Variants in USP49 observed in about 807,000 individuals in gnomAD.
USP49 encodes the protein ubiquitin specific peptidase 49, also known as ubiquitin carboxyl-terminal hydrolase 49.
A neutral mutation model predicts 58.6 loss-of-function variants in USP49; 24 were observed. The ratio of observed to expected loss-of-function variants is 0.41; its 90% CI spans 0.30 to 0.58. USP49 has a LOEUF of 0.58. USP49 is among the 20% of genes least tolerant of loss of function. The pLI is 0.30. For synonymous variants in USP49, 408 were observed against 365.1 expected, an observed-to-expected ratio of 1.12 and a Z score of -1.34; for missense variants, 703 against 866.1, an observed-to-expected ratio of 0.81 and a Z score of 2.36.
intron 3 of USP49, among the ~76,000 whole-genome samples, chr6:41,814,195 T>C (rs776733325): frequency 1.3e-5 from 2 of 152,200 alleles, no homozygotes; most frequent in African/African-American, 4.8e-5. Context: ...ATAAATGTCC[T>C]GCACACCCTT....
chr6:41,872,229 G>T (rs565477567), intron 2 of USP49, among the ~76,000 whole-genome samples: 2 of 152,214 alleles, frequency 1.3e-5, no homozygotes, highest in Non-Finnish European at 2.9e-5. Flanking sequence ...ACATTATCAG[G>T]AAGTAGGACT....
At chr6:41,845,050 G>A (rs758820774) in intron 3 of USP49, among the ~76,000 whole-genome samples, 16 of 152,102 alleles carry the variant, frequency 1.1e-4, no homozygotes, top group African/African-American at 3.1e-4. Context: ...ACAGGCACAC[G>A]CCACTACGCC....
At chr6:41,849,458 C>T (rs1469236124) in intron 3 of USP49, among the ~76,000 whole-genome samples, 2 of 152,220 alleles carry the variant, frequency 1.3e-5, no homozygotes, top group Middle Eastern at 3.4e-3. Flanking sequence ...ACCTAATAGA[C>T]ATATATAGAG....
intron 3 of USP49, among the ~76,000 whole-genome samples, chr6:41,826,165 T>G (rs960643769): frequency 8.5e-5 from 13 of 152,212 alleles, no homozygotes; most frequent in African/African-American, 3.1e-4. Context: ...CTCAGGAGGC[T>G]GAGGTGGGAA....
intron 3 of USP49, among the ~76,000 whole-genome samples, chr6:41,814,131 G>T (rs1490791074): frequency 6.6e-6 from 1 of 152,192 alleles, no homozygotes; most frequent in Non-Finnish European, 1.5e-5. Context: ...GAAAGAACAT[G>T]ATGTGTCTGA....
intron 3 of USP49, among the ~76,000 whole-genome samples, chr6:41,834,447 G>C (rs1200715665): frequency 6.6e-6 from 1 of 152,106 alleles, no homozygotes; most frequent in Non-Finnish European, 1.5e-5. Flanking sequence ...TATCAGAGAG[G>C]GTAAATGATA....
intron 2 of USP49, among the ~76,000 whole-genome samples, chr6:41,880,753 A>G (rs1774589798): frequency 6.6e-6 from 1 of 152,140 alleles, no homozygotes; most frequent in Non-Finnish European, 1.5e-5. Context: ...TCTGGGGGAC[A>G]TGCTCCACAC....
At chr6:41,884,313 G>A (rs551358636) in intron 2 of USP49, among the ~76,000 whole-genome samples, 91 of 152,240 alleles carry the variant, frequency 6.0e-4, no homozygotes, top group Non-Finnish European at 8.8e-4. Context: ...GTGAGCCACC[G>A]CGCCAGGCCC....
At chr6:41,841,443 C>T (rs1773826384) in intron 3 of USP49, among the ~76,000 whole-genome samples, 1 of 152,144 alleles carries the variant, frequency 6.6e-6, no homozygotes, top group African/African-American at 2.4e-5. Flanking sequence ...GTTGCTCACA[C>T]ACCAGTGCTA....
At chr6:41,892,973 C>T (rs1774834682) in intron 1 of USP49, among the ~76,000 whole-genome samples, 1 of 152,130 alleles carries the variant, frequency 6.6e-6, no homozygotes, top group African/African-American at 2.4e-5. Context: ...AATTTTGCCC[C>T]AAATTTCTTA....
intron 6 of USP49, 88 bp from the exon 7 acceptor site, chr6:41,799,017 G>T: frequency 6.7e-7 from 1 of 1,486,774 alleles, no homozygotes. Context: ...AGGAAACTGA[G>T]AAAATTTAAC....
At chr6:41,833,267 C>G (rs985898604) in intron 3 of USP49, among the ~76,000 whole-genome samples, 1 of 152,026 alleles carries the variant, frequency 6.6e-6, no homozygotes, top group South Asian at 2.1e-4. Flanking sequence ...CCGCCCGCCT[C>G]GGCCTCCCAA....
chr6:41,823,949 G>GCCTATATTTATTCTAAATTTAAATATAA, intron 3 of USP49, among the ~76,000 whole-genome samples: 1 of 152,082 alleles, frequency 6.6e-6, no homozygotes, highest in East Asian at 1.9e-4. Context: ...AAATTTAAAA[G>GCCTATATTTATTCTAAATTTAAATATAA]GTGCACTATA....
At chr6:41,873,248 T>G (rs1176292271) in intron 2 of USP49, among the ~76,000 whole-genome samples, 1 of 151,716 alleles carries the variant, frequency 6.6e-6, no homozygotes, top group Non-Finnish European at 1.5e-5. Context: ...TTTGCATTAA[T>G]GCAAAGGCTC....
chr6:41,862,780 C>T (rs186981174), intron 3 of USP49, among the ~76,000 whole-genome samples: 1 of 152,064 alleles, frequency 6.6e-6, no homozygotes, highest in East Asian at 1.9e-4. Flanking sequence ...TTTTGTTTGA[C>T]TTTATTTTAT....
intron 3 of USP49, among the ~76,000 whole-genome samples, chr6:41,860,023 A>G (rs1774192847): frequency 6.6e-6 from 1 of 152,256 alleles, no homozygotes; most frequent in South Asian, 2.1e-4. Flanking sequence ...AGACCTAGGC[A>G]ATGACCATCA....
intron 3 of USP49, chr6:41,869,825 C>G (rs879802297): frequency 3.3e-5 from 5 of 152,032 alleles, no homozygotes; most frequent in Non-Finnish European, 5.9e-5. Context: ...AATTGTGTAG[C>G]CTGCTTTACA....
In USP49 at chr6:41,791,572, G is replaced by A. The variant is rs1193559274; in HGVS notation, c.*4961C>T. 2.0e-5 allele frequency: 3 copies of A among 152,224 alleles called. No individual in the cohort carries two copies. Among genetic ancestry groups the A allele is most frequent in the African/African-American group, 7.2e-5 (3 of 41,458 alleles). The allele number at this position is 152,224 out of a possible 1,614,324, so 9.4% of individuals were successfully genotyped here. A position where few individuals can be genotyped will look rare whatever the true frequency, so the allele number is the denominator to read the frequency against. On this transcript the variant is annotated 3_prime_UTR_variant, in exon 8 of 8. Coordinates refer to ENST00000682992, the MANE Select transcript of USP49 (RefSeq NM_001286554.2). The stretch of plus-strand genomic sequence containing the variant: ...CAAAGCAACATTTTCCCCAAGGAAA[G>A]TCAATTTGATATCCTGTCACACTTT...
At chr6:41,892,307 G>A (rs922850164) in intron 1 of USP49, among the ~76,000 whole-genome samples, 1 of 152,042 alleles carries the variant, frequency 6.6e-6, no homozygotes, top group Admixed American at 6.6e-5. Flanking sequence ...TATAAACATG[G>A]CAATACCATA....
Sources: allele counts gnomAD v4.1 joint callset (sites outside exome capture counted in the v4.1 genomes callset), GRCh38; gene constraint gnomAD v4.1.1; transcripts MANE v1.5; gene names NCBI Gene and HGNC (gene_info 2026-07-23, HGNC 2026-07-21).